Variants in DNM3 observed in about 807,000 individuals in gnomAD.
DNM3 encodes the protein dynamin-3.
A neutral mutation model predicts 101.6 loss-of-function variants in DNM3; 47 were observed. That is an observed-to-expected ratio of 0.46 (90% confidence interval 0.37 to 0.59). DNM3 has a LOEUF of 0.59. DNM3 is among the 20% of genes least tolerant of loss of function. DNM3 has a pLI of 0.00. For missense variants in DNM3, 849 were observed against 1,085.7 expected, an observed-to-expected ratio of 0.78 and a Z score of 3.06; for synonymous variants, 385 against 387.9, an observed-to-expected ratio of 0.99 and a Z score of 0.09.
At chr1:172,153,100 G>C (rs756522616) in intron 14 of DNM3, among the ~76,000 whole-genome samples, 6 of 152,118 alleles carry the variant, frequency 3.9e-5, no homozygotes, top group Non-Finnish European at 7.4e-5. Context: ...GGATTCAACT[G>C]AGATATCAGA....
chr1:171,864,743 T>C (rs2125057898), intron 1 of DNM3: 1 of 152,348 alleles, frequency 6.6e-6, no homozygotes, highest in South Asian at 2.1e-4. Flanking sequence ...TCCTTAAAAA[T>C]TTTTATATAG....
At chr1:172,317,677 A>G (rs1433910947) in intron 16 of DNM3, among the ~76,000 whole-genome samples, 1 of 152,244 alleles carries the variant, frequency 6.6e-6, no homozygotes, top group Admixed American at 6.5e-5. Flanking sequence ...CACTCTCCCA[A>G]GACTAAACCA....
At chr1:172,302,389 C>A (rs1194432127) in intron 15 of DNM3, among the ~76,000 whole-genome samples, 1 of 152,212 alleles carries the variant, frequency 6.6e-6, no homozygotes. Flanking sequence ...GGGCGCAGCC[C>A]ACTGCAGCTC....
intron 15 of DNM3, among the ~76,000 whole-genome samples, chr1:172,303,766 A>T (rs892259994): frequency 5.3e-5 from 8 of 152,188 alleles, no homozygotes; most frequent in Non-Finnish European, 1.0e-4. Context: ...AGAATTTCAT[A>T]TCCAGCCAAA....
intron 2 of DNM3, among the ~76,000 whole-genome samples, chr1:171,953,779 A>G (rs1177354715): frequency 6.6e-6 from 1 of 152,174 alleles, no homozygotes; most frequent in Non-Finnish European, 1.5e-5. Context: ...AAAAAATTTT[A>G]ACTGAAGGAT....
At chr1:172,359,384 A>G (rs140257525) in intron 17 of DNM3, among the ~76,000 whole-genome samples, 175 of 151,854 alleles carry the variant, frequency 1.2e-3, no homozygotes, top group African/African-American at 3.9e-3. Flanking sequence ...TGTTTTCTCT[A>G]CTGTAAGATA....
chr1:172,147,077 G>A (rs528068253), intron 14 of DNM3, among the ~76,000 whole-genome samples: 2 of 152,206 alleles, frequency 1.3e-5, no homozygotes, highest in South Asian at 4.1e-4. Context: ...CCAGTTAACT[G>A]AAGTGTTTGT....
intron 14 of DNM3, among the ~76,000 whole-genome samples, chr1:172,192,148 T>C (rs1443407641): frequency 6.6e-6 from 1 of 152,122 alleles, no homozygotes; most frequent in Non-Finnish European, 1.5e-5. Context: ...AAATAGCTCT[T>C]ATTATTTTGA....
At chr1:171,850,009 C>T (rs1430515873) in intron 1 of DNM3, among the ~76,000 whole-genome samples, 1 of 152,156 alleles carries the variant, frequency 6.6e-6, no homozygotes, top group East Asian at 1.9e-4. Context: ...CCATTCTTAG[C>T]ATATTCCTTT....
intron 14 of DNM3, among the ~76,000 whole-genome samples, chr1:172,169,439 G>T (rs1442256002): frequency 6.6e-6 from 1 of 151,712 alleles, no homozygotes; most frequent in Admixed American, 6.6e-5. Context: ...TCCTATCATT[G>T]GGCATTTAGT....
chr1:172,392,787 C>T (rs1256217127), intron 20 of DNM3, among the ~76,000 whole-genome samples: 1 of 152,106 alleles, frequency 6.6e-6, no homozygotes, highest in African/African-American at 2.4e-5. Context: ...CCTCATCACT[C>T]AATATTCAAG....
chr1:172,331,985 CTT>C (rs2066207259), intron 17 of DNM3, among the ~76,000 whole-genome samples: 1 of 151,588 alleles, frequency 6.6e-6, no homozygotes, highest in South Asian at 2.1e-4. Context: ...TAGAGCCAAT[CTT>C]TTGAATTACT....
intron 13 of DNM3, among the ~76,000 whole-genome samples, chr1:172,114,005 T>A (rs1371418149): frequency 1.3e-5 from 2 of 152,148 alleles, no homozygotes; most frequent in Non-Finnish European, 2.9e-5. Context: ...ATAAGACAGA[T>A]TAAGTTCTCA....
At chr1:172,381,742 T>C (rs1439507653) in intron 18 of DNM3, among the ~76,000 whole-genome samples, 1 of 152,076 alleles carries the variant, frequency 6.6e-6, no homozygotes, top group East Asian at 1.9e-4. Flanking sequence ...AAAGAACTAA[T>C]AATAAAATCA....
chr1:172,037,215 T>G (rs2049036108), intron 6 of DNM3, among the ~76,000 whole-genome samples: 2 of 152,274 alleles, frequency 1.3e-5, no homozygotes, highest in South Asian at 2.1e-4. Context: ...GTTCAACCCT[T>G]GTGGAAGTCA....
At position 172,350,344 on chromosome 1, in the gene DNM3, GTT is replaced by G. The variant is rs71730199; in HGVS notation, c.1893+27006_1893+27007del. Among the ~76,000 whole-genome samples, 596 of 138,356 alleles carry G rather than the reference GTT, an allele frequency of 4.3e-3. 1 individual carries two copies. The highest frequency in any genetic ancestry group is 7.9e-3 in the South Asian group (34 of 4,298). The allele number at this position is 138,356 out of a possible 152,430, so 90.8% of individuals were successfully genotyped here. On this transcript the variant is annotated intron_variant, in intron 17 of 20. Transcript: ENST00000627582. The stretch of plus-strand genomic sequence containing the variant: ...TGTGTGTGTGTGTGTGTGTGTGTGT[GTT>G]TGTGTGTCTTGTATGTGGAATATTC...
intron 1 of DNM3, among the ~76,000 whole-genome samples, chr1:171,918,109 T>A (rs2039867255): frequency 6.6e-6 from 1 of 152,194 alleles, no homozygotes; most frequent in Non-Finnish European, 1.5e-5. Context: ...CCAAATTCCA[T>A]TAGCAAAATG....
intron 1 of DNM3, among the ~76,000 whole-genome samples, chr1:171,893,634 T>C (rs1270315866): frequency 2.0e-5 from 3 of 152,078 alleles, no homozygotes; most frequent in Admixed American, 6.5e-5. Flanking sequence ...AACAATTTTT[T>C]TGTAGAGATG....
At chr1:172,015,540 G>A (rs949641698) in intron 4 of DNM3, among the ~76,000 whole-genome samples, 4 of 151,988 alleles carry the variant, frequency 2.6e-5, no homozygotes, top group Non-Finnish European at 5.9e-5. Flanking sequence ...AATGTAAATA[G>A]TAATGTACTT....
Sources: allele counts gnomAD v4.1 joint callset (sites outside exome capture counted in the v4.1 genomes callset), GRCh38; gene constraint gnomAD v4.1.1; transcripts MANE v1.5; gene names NCBI Gene and HGNC (gene_info 2026-07-23, HGNC 2026-07-21).